Variants in LGR4 observed in about 807,000 individuals in gnomAD.
The protein encoded by LGR4 is leucine-rich repeat-containing G protein-coupled receptor 4.
LGR4 carries 44 observed loss-of-function variants against 84.8 expected under a neutral mutation model. That is an observed-to-expected ratio of 0.52 (90% CI 0.41 to 0.67). The LOEUF is 0.67. Among genes scored for constraint, LGR4 ranks in the 30% least tolerant of loss-of-function variants. The pLI, the probability that LGR4 is intolerant of heterozygous loss-of-function variation, is 0.00. For missense variants in LGR4, 1,032 were observed against 1,131.4 expected (o/e 0.91, Z 1.26); for synonymous variants, 429 against 434.3 (o/e 0.99, Z 0.15).
chr11:27,399,291 G>A (rs1439660666), intron 2 of LGR4, among the ~76,000 whole-genome samples: 9 of 152,052 alleles, frequency 5.9e-5, no homozygotes, highest in Non-Finnish European at 1.2e-4. Context: ...AACACAGCCA[G>A]GCTGCTTCTC....
chr11:27,462,994 A>AG (rs1864709426), intron 1 of LGR4, among the ~76,000 whole-genome samples: 2 of 138,568 alleles, frequency 1.4e-5, no homozygotes, highest in Admixed American at 8.1e-5. Flanking sequence ...GCATTTTGGG[A>AG]GGCCAAGGCA....
chr11:27,378,088 C>G (rs1459698502), intron 11 of LGR4, among the ~76,000 whole-genome samples: 1 of 152,126 alleles, frequency 6.6e-6, no homozygotes, highest in Admixed American at 6.5e-5. Context: ...GATTTTCACA[C>G]AATGACAAAA....
intron 4 of LGR4, among the ~76,000 whole-genome samples, chr11:27,385,742 A>G (rs892236262): frequency 2.0e-5 from 3 of 152,050 alleles, no homozygotes; most frequent in Admixed American, 2.0e-4. Context: ...TTTATAGCAG[A>G]AAGATATATT....
intron 7 of LGR4, among the ~76,000 whole-genome samples, chr11:27,381,490 T>C (rs916913734): frequency 6.6e-6 from 1 of 152,176 alleles, no homozygotes; most frequent in African/African-American, 2.4e-5. Context: ...GAGACCAGCA[T>C]GGGCAACATG....
intron 1 of LGR4, among the ~76,000 whole-genome samples, chr11:27,432,362 T>C (rs1371394205): frequency 6.6e-6 from 1 of 152,194 alleles, no homozygotes. Flanking sequence ...ATGTCTGCAA[T>C]TGAATGAAAT....
At position 27,418,092 on chromosome 11, in the gene LGR4, G is replaced by A. The variant is rs117551409; in HGVS notation, c.186-5232C>T. On this transcript the variant is annotated intron_variant, in intron 1 of 17. Transcript: ENST00000379214. ...TGCACATATGTGCAAGGTACTGTAC[G>A]TGGATAGTAAGGCTTTTATGTCAAA... Among the ~76,000 whole-genome samples the A allele has an allele frequency of 4.6e-5, 7 of 152,278 alleles. No homozygotes were observed. The East Asian group carries it at 5.8e-4, about 13-fold the overall frequency.
intron 6 of LGR4, 64 bp downstream of exon 6, chr11:27,384,272 A>G (rs988998222): frequency 6.7e-6 from 7 of 1,037,706 alleles, no homozygotes; most frequent in Non-Finnish European, 1.0e-5. Context: ...CTTTTTCTGC[A>G]GTGAAGTATA....
intron 1 of LGR4, among the ~76,000 whole-genome samples, chr11:27,413,154 T>A (rs922893186): frequency 6.6e-6 from 1 of 152,114 alleles, no homozygotes; most frequent in Non-Finnish European, 1.5e-5. Flanking sequence ...CAGGGTGGCT[T>A]CCCAGTGCTC....
chr11:27,411,253 G>A (rs1863705699), intron 2 of LGR4, among the ~76,000 whole-genome samples: 1 of 152,044 alleles, frequency 6.6e-6, no homozygotes, highest in Admixed American at 6.6e-5. Flanking sequence ...TAAAAAGGAA[G>A]AGGTAAAGCA....
At chr11:27,392,361 C>G (rs1863301179) in intron 3 of LGR4, 86 bp downstream of exon 3, 2 of 1,043,402 alleles carry the variant, frequency 1.9e-6, no homozygotes, top group South Asian at 3.5e-5. Flanking sequence ...CTAAAAGAAA[C>G]TGTGCTTAAC....
chr11:27,392,109 T>C (rs1698258573), intron 3 of LGR4, among the ~76,000 whole-genome samples: 2 of 152,182 alleles, frequency 1.3e-5, no homozygotes. Context: ...AGTCAGGTAA[T>C]TCAAAGTTCT....
chr11:27,456,693 C>T (rs1310008444), intron 1 of LGR4, among the ~76,000 whole-genome samples: 1 of 152,106 alleles, frequency 6.6e-6, no homozygotes, highest in African/African-American at 2.4e-5. Context: ...ACTTTCCAGA[C>T]ACACACAAAA....
chr11:27,428,489 C>T (rs569402058), intron 1 of LGR4, among the ~76,000 whole-genome samples: 28 of 152,340 alleles, frequency 1.8e-4, no homozygotes, highest in South Asian at 2.1e-4. Flanking sequence ...ATCTTGTGAG[C>T]ACGCTCTACG....
Position 27,371,661 on chromosome 11 carries a change from T to C in LGR4, c.1533A>G (p.Glu511=). ...TAATTATTTGACTATGTTCTTCATTTTCAAGAGTGCTTGTGACATTTGCTG... is the reference window on the plus strand; with the variant it reads ...TAATTATTTGACTATGTTCTTCATTCTCAAGAGTGCTTGTGACATTTGCTG... ...ADAANVTSTL[E]NEEHSQIIIH... The change falls in exon 17 of 18, where the codon GAA becomes GAG. Residue 511 remains glutamate, a synonymous_variant. Transcript: ENST00000379214. 1 of 1,613,458 alleles carries C rather than the reference T, an allele frequency of 6.2e-7. No individual in the cohort carries two copies.
Position 27,371,664 on chromosome 11 carries a change from A to G in LGR4, c.1530T>C (p.Leu510=). 1 of 1,613,284 alleles carries G rather than the reference A, an allele frequency of 6.2e-7. No individual in the cohort carries two copies. Among genetic ancestry groups the G allele is most frequent in the Non-Finnish European group, 8.5e-7 (1 of 1,179,578 alleles). ...TTATTTGACTATGTTCTTCATTTTC[A>G]AGAGTGCTTGTGACATTTGCTGCAT... ...TADAANVTST[L]ENEEHSQIII... The change falls in exon 17 of 18, where the codon CTT becomes CTC. Residue 510 remains leucine, a synonymous_variant. Transcript: ENST00000379214.
chr11:27,448,197 T>C (rs1306428259), intron 1 of LGR4, among the ~76,000 whole-genome samples: 1 of 152,216 alleles, frequency 6.6e-6, no homozygotes, highest in Non-Finnish European at 1.5e-5. Context: ...AATGTGGCAA[T>C]CTAGTAAGAC....
At chr11:27,393,808 T>C (rs910758489) in intron 2 of LGR4, among the ~76,000 whole-genome samples, 34 of 152,188 alleles carry the variant, frequency 2.2e-4, no homozygotes, top group Admixed American at 4.6e-4. Flanking sequence ...GAAGTCACTG[T>C]GGCCTGAAGC....
intron 1 of LGR4, among the ~76,000 whole-genome samples, chr11:27,427,657 G>T (rs1327113265): frequency 6.6e-6 from 1 of 152,156 alleles, no homozygotes; most frequent in Admixed American, 6.5e-5. Flanking sequence ...CTACACCTTT[G>T]CAACTACCTT....
At chr11:27,378,631 A>G in intron 11 of LGR4, 66 bp downstream of exon 11, 1 of 1,112,100 alleles carries the variant, frequency 9.0e-7, no homozygotes, top group Non-Finnish European at 1.4e-6. Context: ...TCCTTAAAAT[A>G]AAATTGAACA....
Sources: gnomAD v4.1 joint callset for allele counts (sites outside exome capture counted in the v4.1 genomes callset) on GRCh38, gnomAD v4.1.1 for gene constraint, MANE v1.5 for transcripts, NCBI Gene and HGNC (gene_info 2026-07-23, HGNC 2026-07-21) for gene names.